The following SPEF2 variants were observed in gnomAD, a reference collection of about 807,000 sequenced individuals.
SPEF2 encodes the protein sperm flagellar and cilia associated 2.
A neutral mutation model predicts 224.6 loss-of-function variants in SPEF2; 187 were observed. The ratio of observed to expected loss-of-function variants is 0.83; its 90% confidence interval spans 0.74 to 0.94. The LOEUF (loss-of-function observed/expected upper bound fraction) is 0.94. Among genes scored for constraint, SPEF2 ranks in the 40% least tolerant of loss-of-function variants. The pLI is 0.00. For synonymous variants in SPEF2, 715 were observed against 707.3 expected (o/e 1.01, Z -0.17); for missense variants, 2,170 against 2,135.6 (o/e 1.02, Z -0.32).
chr5:35,754,003 A>C (rs115964508), intron 24 of SPEF2, among the ~76,000 whole-genome samples: 2,253 of 152,274 alleles, frequency 0.015, 23 homozygotes, highest in Middle Eastern at 0.044. Context: ...CTTTGCTCCC[A>C]GGTGGCCTAG....
intron 26 of SPEF2, among the ~76,000 whole-genome samples, 193 bp downstream of exon 26, chr5:35,763,895 A>G (rs982715852): frequency 1.3e-5 from 2 of 152,180 alleles, no homozygotes; most frequent in Admixed American, 6.5e-5. Flanking sequence ...CATGAAACGA[A>G]CCAACATTTA....
chr5:35,661,871 G>A (rs1465554342), intron 8 of SPEF2, among the ~76,000 whole-genome samples: 1 of 152,082 alleles, frequency 6.6e-6, no homozygotes, highest in African/African-American at 2.4e-5. Flanking sequence ...ATTGTGAATA[G>A]TGCTGCAATG....
intron 25 of SPEF2, among the ~76,000 whole-genome samples, chr5:35,762,343 T>G (rs1202923736): frequency 1.3e-5 from 2 of 152,210 alleles, no homozygotes; most frequent in Non-Finnish European, 2.9e-5. Flanking sequence ...TGTACTGTAT[T>G]AAACATTTAG....
chr5:35,747,605 G>T (rs1580561120), intron 23 of SPEF2, among the ~76,000 whole-genome samples: 1 of 152,232 alleles, frequency 6.6e-6, no homozygotes, highest in East Asian at 1.9e-4. Context: ...TTATATAACG[G>T]TAAAAGGCCT....
intron 34 of SPEF2, among the ~76,000 whole-genome samples, chr5:35,801,725 C>T (rs982502396): frequency 6.6e-6 from 1 of 151,982 alleles, no homozygotes; most frequent in Non-Finnish European, 1.5e-5. Context: ...ATGTCAGACC[C>T]GCTGCTATAT....
At chr5:35,791,330 C>G (rs978744643) in intron 30 of SPEF2, among the ~76,000 whole-genome samples, 1 of 152,148 alleles carries the variant, frequency 6.6e-6, no homozygotes, top group Admixed American at 6.5e-5. Context: ...TTCCAGATCT[C>G]AAAATTGTGT....
chr5:35,790,915 A>G (rs1755860369), intron 30 of SPEF2: 1 of 152,222 alleles, frequency 6.6e-6, no homozygotes, highest in African/African-American at 2.4e-5. Context: ...AACAGTTTTC[A>G]CATTTCATGC....
chr5:35,734,807 G>C (rs1746293754), intron 21 of SPEF2, among the ~76,000 whole-genome samples: 1 of 149,244 alleles, frequency 6.7e-6, no homozygotes, highest in Non-Finnish European at 1.5e-5. Context: ...CGCCTCCCGG[G>C]TTCAAGCGAT....
chr5:35,670,502 A>G (rs1233017363), intron 10 of SPEF2: 14 of 1,065,748 alleles, frequency 1.3e-5, no homozygotes, highest in African/African-American at 1.7e-5. Flanking sequence ...AATTTTTAAA[A>G]TGCTTTAATT....
At chr5:35,747,797 GA>G (rs1196548717) in intron 23 of SPEF2, among the ~76,000 whole-genome samples, 1 of 152,086 alleles carries the variant, frequency 6.6e-6, no homozygotes, top group African/African-American at 2.4e-5. Context: ...AGTCAACAAG[GA>G]AACAATGGAT....
Position 35,790,003 on chromosome 5 carries a change from C to T in SPEF2, c.4448-2337C>T, listed in dbSNP as rs566809742. ...AAAACTTGGGAGTCTCAATCTTTTA[C>T]ATTTCTTCTCCTCCCTCCTAGATTT... On this transcript the variant is annotated intron_variant, in intron 30 of 36. Coordinates refer to ENST00000356031, the MANE Select transcript of SPEF2 (RefSeq NM_024867.4). 8.1e-5 allele frequency: 57 copies of T among 700,094 alleles called. No homozygotes were observed. In the African/African-American group the frequency reaches 9.6e-4, roughly 12 times the overall value. The allele number at this position is 700,094 out of a possible 1,614,324, so 43.4% of individuals were successfully genotyped here. A position where few individuals can be genotyped will look rare whatever the true frequency, so the allele number is the denominator to read the frequency against.
intron 7 of SPEF2, among the ~76,000 whole-genome samples, chr5:35,657,216 A>G (rs1436449673): frequency 1.3e-5 from 2 of 152,180 alleles, no homozygotes; most frequent in African/African-American, 2.4e-5. Flanking sequence ...CTAGCTTTCA[A>G]GTTGTTCCAG....
intron 30 of SPEF2, chr5:35,790,092 A>G (rs748536686): frequency 1.7e-5 from 12 of 702,846 alleles, no homozygotes; most frequent in Non-Finnish European, 3.1e-5. Context: ...GTATCCAAAT[A>G]TCCTGACACT....
At chr5:35,702,629 G>A (rs12514664) in intron 16 of SPEF2, among the ~76,000 whole-genome samples, 74,120 of 151,928 alleles carry the variant, frequency 0.49, 18,542 homozygotes, top group Non-Finnish European at 0.53. Context: ...TCATTAATTC[G>A]AGCAGATGCA....
At chr5:35,774,162 T>C in intron 28 of SPEF2, 141 bp downstream of exon 28, 1 of 1,200,448 alleles carries the variant, frequency 8.3e-7, no homozygotes, top group Non-Finnish European at 1.1e-6. Context: ...CAATATTCAG[T>C]TGACTGTTTT....
intron 30 of SPEF2, chr5:35,789,089 T>C: frequency 4.4e-6 from 3 of 687,230 alleles, no homozygotes; most frequent in South Asian, 3.1e-5. Flanking sequence ...GAAAATACTT[T>C]CCTTGAGCTC....
At chr5:35,772,412 A>C (rs2149784944) in intron 27 of SPEF2, among the ~76,000 whole-genome samples, 1 of 152,290 alleles carries the variant, frequency 6.6e-6, no homozygotes, top group South Asian at 2.1e-4. Flanking sequence ...AATTAAAAAC[A>C]AAACCAAAAA....
intron 10 of SPEF2, among the ~76,000 whole-genome samples, chr5:35,689,554 T>C (rs979573037): frequency 2.0e-5 from 3 of 152,198 alleles, no homozygotes; most frequent in Non-Finnish European, 4.4e-5. Flanking sequence ...CTCATCGTTA[T>C]GTCCATGTAT....
intron 33 of SPEF2, among the ~76,000 whole-genome samples, chr5:35,797,336 GT>G (rs1756815159): frequency 6.6e-6 from 1 of 151,704 alleles, no homozygotes; most frequent in African/African-American, 2.4e-5. Context: ...GTGTGTGTGT[GT>G]GTGTGTGTGT....
Sources: allele counts gnomAD v4.1 joint callset (sites outside exome capture counted in the v4.1 genomes callset), GRCh38; gene constraint gnomAD v4.1.1; transcripts MANE v1.5; gene names NCBI Gene and HGNC (gene_info 2026-07-23, HGNC 2026-07-21).